Variants in NAV3 observed in about 807,000 individuals in gnomAD.
The protein encoded by NAV3 is pore membrane and/or filament interacting like protein 1.
Under a neutral mutation model 244.7 loss-of-function variants are expected in NAV3, and 87 were observed. The ratio of observed to expected loss-of-function variants is 0.36; its 90% CI spans 0.30 to 0.42. NAV3 has a LOEUF of 0.42. NAV3 is among the 20% of genes least tolerant of loss of function. The pLI is 1.00. For synonymous variants in NAV3, 1,126 were observed against 1,042.2 expected (o/e 1.08, Z -1.55); for missense variants, 2,663 against 2,893.3 (o/e 0.92, Z 1.83).
In NAV3 at chr12:78,122,303, G is replaced by A. The variant is rs2138700288; in HGVS notation, c.4113G>A (p.Thr1371=). 1.2e-6 allele frequency: 2 copies of A among 1,614,074 alleles called. No homozygotes were observed. The highest frequency in any genetic ancestry group is 1.1e-5 in the South Asian group (1 of 91,078). Reference sequence around the variant, plus strand: ...ACCAGTCCATGACTAGCCTCCACACGAGCTCTGAGTCCATTGACCTCCCCC... The same window carrying A: ...ACCAGTCCATGACTAGCCTCCACACAAGCTCTGAGTCCATTGACCTCCCCC... ...PSYQSMTSLH[T]SSESIDLPLS... is the part of the protein sequence containing the mutation. The change falls in exon 16 of 40, where the codon ACG becomes ACA. Residue 1371 remains threonine (T), a synonymous_variant. Transcript: ENST00000397909.
chr12:78,076,256 T>C (rs1464875824), intron 12 of NAV3, among the ~76,000 whole-genome samples: 1 of 152,186 alleles, frequency 6.6e-6, no homozygotes, highest in Non-Finnish European at 1.5e-5. Flanking sequence ...CAACCTGGAA[T>C]ACCAATTCTG....
chr12:77,868,865 T>C (rs1592838420), intron 1 of NAV3, among the ~76,000 whole-genome samples: 1 of 150,648 alleles, frequency 6.6e-6, no homozygotes. Context: ...AGCTCAGGAG[T>C]TCGAGACCAG....
At chr12:77,900,434 A>G (rs991449165) in intron 1 of NAV3, among the ~76,000 whole-genome samples, 3 of 152,162 alleles carry the variant, frequency 2.0e-5, no homozygotes, top group Non-Finnish European at 2.9e-5. Flanking sequence ...TAAGGAGGAC[A>G]TGCAGTCTTT....
At chr12:77,921,205 G>T (rs543253384) in intron 1 of NAV3, among the ~76,000 whole-genome samples, 1 of 151,924 alleles carries the variant, frequency 6.6e-6, no homozygotes, top group Non-Finnish European at 1.5e-5. Flanking sequence ...AGTGCCTGAG[G>T]ATATGCATAT....
At chr12:77,874,393 T>A (rs11107137) in intron 1 of NAV3, among the ~76,000 whole-genome samples, 33,856 of 151,666 alleles carry the variant, frequency 0.22, 4,407 homozygotes, top group South Asian at 0.34. Context: ...TAATTTTTTT[T>A]AAATTTTTTA....
chr12:78,205,696 G>T (rs1960224496), intron 39 of NAV3, among the ~76,000 whole-genome samples: 1 of 151,730 alleles, frequency 6.6e-6, no homozygotes, highest in African/African-American at 2.4e-5. Context: ...TCCAAAGTAT[G>T]AATATTCTGA....
At chr12:77,992,936 T>A (rs1037703110) in intron 5 of NAV3, among the ~76,000 whole-genome samples, 2 of 152,180 alleles carry the variant, frequency 1.3e-5, no homozygotes, top group Admixed American at 1.3e-4. Flanking sequence ...GAAAACAAGA[T>A]AGCAGCTTCA....
At chr12:77,723,555 T>G (rs988521956) in intron 2 of NAV3, among the ~76,000 whole-genome samples, 1 of 151,840 alleles carries the variant, frequency 6.6e-6, no homozygotes. Context: ...CATTTCAAGT[T>G]ATGACATGCT....
intron 1 of NAV3, among the ~76,000 whole-genome samples, chr12:77,835,007 GT>G (rs908765995): frequency 6.6e-6 from 1 of 152,100 alleles, no homozygotes; most frequent in Admixed American, 6.5e-5. Context: ...GAAGATAGAC[GT>G]TTATTTCATT....
At chr12:77,737,493 A>C (rs755741752) in intron 2 of NAV3, among the ~76,000 whole-genome samples, 29 of 151,932 alleles carry the variant, frequency 1.9e-4, no homozygotes, top group Admixed American at 3.9e-4. Flanking sequence ...GCGTTGACAC[A>C]ATTTTAAAAG....
chr12:77,949,791 T>C (rs1302461291), intron 3 of NAV3, among the ~76,000 whole-genome samples: 1 of 152,054 alleles, frequency 6.6e-6, no homozygotes, highest in Non-Finnish European at 1.5e-5. Flanking sequence ...ACCATTATAG[T>C]ATTATACAGA....
intron 34 of NAV3, among the ~76,000 whole-genome samples, chr12:78,196,479 A>G (rs535965793): frequency 1.3e-5 from 2 of 152,150 alleles, no homozygotes; most frequent in South Asian, 4.1e-4. Context: ...TAAATATGCA[A>G]ATATTATGGA....
chr12:78,018,642 C>A (rs1876633955), intron 8 of NAV3, among the ~76,000 whole-genome samples: 1 of 152,144 alleles, frequency 6.6e-6, no homozygotes, highest in Non-Finnish European at 1.5e-5. Context: ...AAAGATAAAT[C>A]TGTGAATACA....
chr12:77,785,125 G>T (rs2135927436), intron 2 of NAV3, among the ~76,000 whole-genome samples: 1 of 152,212 alleles, frequency 6.6e-6, no homozygotes, highest in African/African-American at 2.4e-5. Context: ...TTCAGACTTG[G>T]AAAATAGACA....
At chr12:78,109,055 A>G (rs1585351) in intron 12 of NAV3, among the ~76,000 whole-genome samples, 112,157 of 151,782 alleles carry the variant, frequency 0.74, 41,684 homozygotes, top group Middle Eastern at 0.78. Flanking sequence ...TTGATAAACC[A>G]CTAGATAGAC....
At chr12:78,029,246 T>G (rs1265687100) in intron 9 of NAV3, among the ~76,000 whole-genome samples, 1 of 151,966 alleles carries the variant, frequency 6.6e-6, no homozygotes, top group Non-Finnish European at 1.5e-5. Flanking sequence ...TCAAAGAAAT[T>G]TTTAACATTG....
chr12:77,768,156 G>C (rs1276895327), intron 2 of NAV3, among the ~76,000 whole-genome samples: 2 of 152,196 alleles, frequency 1.3e-5, no homozygotes, highest in East Asian at 3.9e-4. Flanking sequence ...GTTTTTATGG[G>C]CTTCAGAGGG....
intron 1 of NAV3, among the ~76,000 whole-genome samples, chr12:77,931,242 A>T (rs948701770): frequency 2.0e-5 from 3 of 152,042 alleles, no homozygotes; most frequent in African/African-American, 7.3e-5. Flanking sequence ...TAAAAAGTCA[A>T]TCATATTTTT....
chr12:78,161,728 T>C (rs1312457169), intron 23 of NAV3, among the ~76,000 whole-genome samples: 1 of 152,128 alleles, frequency 6.6e-6, no homozygotes, highest in Non-Finnish European at 1.5e-5. Flanking sequence ...CACTTCTTTT[T>C]GAATTGCAAA....
Sources: gnomAD v4.1 joint callset for allele counts (sites outside exome capture counted in the v4.1 genomes callset) on GRCh38, gnomAD v4.1.1 for gene constraint, MANE v1.5 for transcripts, NCBI Gene and HGNC (gene_info 2026-07-23, HGNC 2026-07-21) for gene names.